CPA6: variants seen among roughly 807,000 people sequenced by gnomAD.
CPA6 encodes carboxypeptidase B.
CPA6 carries 58 observed loss-of-function variants against 63.3 expected under a neutral mutation model. That is an observed-to-expected ratio of 0.92 (90% CI 0.74 to 1.14). The LOEUF (loss-of-function observed/expected upper bound fraction) is 1.14. Among genes scored for constraint, CPA6 ranks in the 50% most tolerant of loss-of-function variants. CPA6 has a pLI of 0.00. For missense variants in CPA6, 565 were observed against 526.6 expected, an observed-to-expected ratio of 1.07 and a Z score of -0.71; for synonymous variants, 185 against 179.0, an observed-to-expected ratio of 1.03 and a Z score of -0.27.
chr8:67,491,786 T>A (rs1228211048), intron 6 of CPA6, among the ~76,000 whole-genome samples: 2 of 152,190 alleles, frequency 1.3e-5, no homozygotes, highest in African/African-American at 4.8e-5. Flanking sequence ...GCACTTTAGT[T>A]AAATAACACC....
intron 1 of CPA6, among the ~76,000 whole-genome samples, chr8:67,731,719 C>A (rs1295615548): frequency 2.6e-5 from 4 of 152,140 alleles, no homozygotes; most frequent in African/African-American, 9.7e-5. Context: ...GAACCAAGTA[C>A]AGAAATTGCA....
At chr8:67,460,894 C>A (rs73262636) in intron 8 of CPA6, among the ~76,000 whole-genome samples, 9,885 of 152,084 alleles carry the variant, frequency 0.065, 735 homozygotes, top group African/African-American at 0.18. Flanking sequence ...ATGGGAGAGG[C>A]CACAGCCACA....
chr8:67,601,178 C>T (rs567987776), intron 2 of CPA6, among the ~76,000 whole-genome samples: 1 of 152,288 alleles, frequency 6.6e-6, no homozygotes, highest in East Asian at 1.9e-4. Flanking sequence ...GCTGTGCTGG[C>T]ACATGCAATG....
chr8:67,612,025 C>T (rs983248252), intron 2 of CPA6, among the ~76,000 whole-genome samples: 4 of 152,126 alleles, frequency 2.6e-5, no homozygotes, highest in Admixed American at 2.6e-4. Flanking sequence ...GCTAATATTA[C>T]TTTATATCAA....
intron 1 of CPA6, among the ~76,000 whole-genome samples, chr8:67,656,931 T>C (rs766142204): frequency 7.2e-5 from 11 of 152,192 alleles, no homozygotes; most frequent in Admixed American, 2.6e-4. Context: ...CCTGACTCAC[T>C]TGGGGGAGCT....
Position 67,616,501 on chromosome 8 carries a change from A to ATGTGTGTG in CPA6, c.192+7667_192+7674dup, listed in dbSNP as rs4009134. Among the ~76,000 whole-genome samples, 354 of 127,030 alleles carry ATGTGTGTG rather than the reference A, an allele frequency of 2.8e-3. 1 individual carries two copies. The highest frequency in any genetic ancestry group is 7.9e-3 in the Middle Eastern group (2 of 252). The allele number at this position is 127,030 out of a possible 152,430, so 83.3% of individuals were successfully genotyped here. ...CATCTGGGATTTGGTGGCAAATTGA[A>ATGTGTGTG]TGTGTGTGTGTGTGTGTGTGTGTGT... On this transcript the variant is annotated intron_variant, in intron 2 of 10. Transcript: ENST00000297770.
intron 2 of CPA6, chr8:67,569,503 A>G: frequency 2.4e-6 from 1 of 421,740 alleles, no homozygotes. Context: ...AACAGAATCT[A>G]ACAGTGATGA....
At chr8:67,456,711 CTG>C (rs1324966027) in intron 8 of CPA6, among the ~76,000 whole-genome samples, 1 of 152,142 alleles carries the variant, frequency 6.6e-6, no homozygotes, top group Admixed American at 6.5e-5. Flanking sequence ...TCCATGGAAA[CTG>C]TGACTGTTAA....
intron 6 of CPA6, among the ~76,000 whole-genome samples, chr8:67,488,979 C>T (rs1166922583): frequency 6.6e-6 from 1 of 152,212 alleles, no homozygotes; most frequent in East Asian, 1.9e-4. Flanking sequence ...TCTAAATATA[C>T]AATCATGTCA....
At chr8:67,630,675 G>C (rs1243627098) in intron 1 of CPA6, among the ~76,000 whole-genome samples, 1 of 152,222 alleles carries the variant, frequency 6.6e-6, no homozygotes, top group Non-Finnish European at 1.5e-5. Flanking sequence ...CCACTCTTTG[G>C]GCTGGCCGAG....
chr8:67,457,104 T>A (rs912313436), intron 8 of CPA6, among the ~76,000 whole-genome samples: 14 of 152,354 alleles, frequency 9.2e-5, no homozygotes, highest in African/African-American at 3.4e-4. Flanking sequence ...TGACATGTTT[T>A]AGGTCACCAA....
chr8:67,664,154 T>C (rs1816177769), intron 1 of CPA6, among the ~76,000 whole-genome samples: 1 of 152,222 alleles, frequency 6.6e-6, no homozygotes, highest in South Asian at 2.1e-4. Flanking sequence ...CTCCTAAGTT[T>C]AGACATTTTC....
chr8:67,578,852 T>C (rs543392774), intron 2 of CPA6, among the ~76,000 whole-genome samples: 1 of 152,240 alleles, frequency 6.6e-6, no homozygotes. Flanking sequence ...GAATTTCACC[T>C]TTCCTTGCTC....
At chr8:67,726,751 G>A (rs1345778182) in intron 1 of CPA6, among the ~76,000 whole-genome samples, 1 of 152,194 alleles carries the variant, frequency 6.6e-6, no homozygotes, top group Non-Finnish European at 1.5e-5. Context: ...ATTCTAAGCC[G>A]AAAGGCCTCG....
At chr8:67,450,740 G>A (rs1485754814) in intron 8 of CPA6, among the ~76,000 whole-genome samples, 1 of 152,174 alleles carries the variant, frequency 6.6e-6, no homozygotes, top group Non-Finnish European at 1.5e-5. Flanking sequence ...TTGACCTGAG[G>A]CTACTTGCTT....
intron 8 of CPA6, among the ~76,000 whole-genome samples, chr8:67,475,763 CTTTCTCTT>C (rs1408278443): frequency 8.6e-6 from 1 of 115,688 alleles, no homozygotes; most frequent in African/African-American, 3.4e-5. Context: ...TTTTTTCTTT[CTTTCTCTT>C]TCTTTCTTTC....
chr8:67,568,507 T>C (rs1170270724), intron 2 of CPA6, among the ~76,000 whole-genome samples: 1 of 151,998 alleles, frequency 6.6e-6, no homozygotes, highest in African/African-American at 2.4e-5. Context: ...GAGATGAAGA[T>C]TACAATGACT....
At chr8:67,716,625 C>T (rs1253007190) in intron 1 of CPA6, among the ~76,000 whole-genome samples, 1 of 152,154 alleles carries the variant, frequency 6.6e-6, no homozygotes, top group Non-Finnish European at 1.5e-5. Flanking sequence ...TTCTGTCTGT[C>T]CTTTGCCCAT....
intron 2 of CPA6, among the ~76,000 whole-genome samples, chr8:67,619,002 C>A (rs1475545541): frequency 6.6e-6 from 1 of 152,192 alleles, no homozygotes; most frequent in East Asian, 1.9e-4. Flanking sequence ...TCCGCAAAAC[C>A]ATACAATTTA....
Sources: allele counts gnomAD v4.1 joint callset (sites outside exome capture counted in the v4.1 genomes callset), GRCh38; gene constraint gnomAD v4.1.1; transcripts MANE v1.5; gene names NCBI Gene and HGNC (gene_info 2026-07-23, HGNC 2026-07-21).